Variants in UTRN observed in about 807,000 individuals in gnomAD.
The protein encoded by UTRN is utrophin.
A neutral mutation model predicts 463.9 loss-of-function variants in UTRN; 283 were observed. The ratio of observed to expected loss-of-function variants is 0.61; its 90% CI spans 0.55 to 0.67. The LOEUF (loss-of-function observed/expected upper bound fraction) is 0.67. Ranked by LOEUF, UTRN falls within the 30% of genes least tolerant of loss-of-function variation. The probability of loss-of-function intolerance (pLI) is 0.00; values close to 1 mark genes in which losing one functional copy is unlikely to be tolerated. For synonymous variants in UTRN, 1,442 were observed against 1,431.5 expected, an observed-to-expected ratio of 1.01 and a Z score of -0.17; for missense variants, 3,922 against 4,084.3, an observed-to-expected ratio of 0.96 and a Z score of 1.08.
Position 144,493,396 on chromosome 6 carries a change from A to T in UTRN, c.4533A>T (p.Pro1511=), listed in dbSNP as rs752180348. Residue 1511 remains proline (P), a synonymous_variant, in exon 33 of 75, where the codon CCA becomes CCT. Coordinates refer to ENST00000367545, the MANE Select transcript of UTRN (RefSeq NM_007124.3). The part of the protein sequence containing the change: ...HIVQKQQTDN[P]KGMDEQLTSL... Reference sequence around the variant, plus strand: ...TCCAGAAACAGCAAACGGACAACCCAAAAGGGATGGATGAGCAGCTGACTT... The same window carrying T: ...TCCAGAAACAGCAAACGGACAACCCTAAAGGGATGGATGAGCAGCTGACTT... 6.2e-6 allele frequency: 10 copies of T among 1,614,088 alleles called. No individual in the cohort carries two copies. In the South Asian group the frequency reaches 1.1e-4, roughly 18 times the overall value.
intron 51 of UTRN, among the ~76,000 whole-genome samples, chr6:144,605,300 C>T (rs571331056): frequency 1.3e-5 from 2 of 152,070 alleles, no homozygotes; most frequent in African/African-American, 4.8e-5. Context: ...AGCACATCTG[C>T]CAAAGGTTTG....
intron 2 of UTRN, among the ~76,000 whole-genome samples, chr6:144,344,488 C>T (rs529442045): frequency 2.6e-5 from 4 of 152,212 alleles, no homozygotes; most frequent in East Asian, 1.9e-4. Flanking sequence ...TAGAGACCAA[C>T]GCTGTCTGCT....
At chr6:144,589,124 C>A (rs926249705) in intron 51 of UTRN, among the ~76,000 whole-genome samples, 3 of 152,070 alleles carry the variant, frequency 2.0e-5, no homozygotes, top group Admixed American at 6.6e-5. Context: ...TAAAGTTAAG[C>A]AAGAATTTTG....
intron 23 of UTRN, among the ~76,000 whole-genome samples, chr6:144,468,626 G>T (rs1790192779): frequency 6.6e-6 from 1 of 151,960 alleles, no homozygotes; most frequent in African/African-American, 2.4e-5. Context: ...GCATGCGTGT[G>T]TTCTGTAAGC....
At chr6:144,611,054 A>G (rs1805464244) in intron 51 of UTRN, among the ~76,000 whole-genome samples, 1 of 152,244 alleles carries the variant, frequency 6.6e-6, no homozygotes, top group African/African-American at 2.4e-5. Context: ...ATGGCCCAAC[A>G]TATGCAAATC....
At chr6:144,521,955 A>ATTTTTT in intron 39 of UTRN, 25 bp from the exon 40 acceptor site, 4 of 942,214 alleles carry the variant, frequency 4.2e-6, no homozygotes, top group Non-Finnish European at 5.6e-6. Context: ...ATATATATAT[A>ATTTTTT]TTTTTTTTTT....
chr6:144,293,332 A>T (rs979846907), intron 2 of UTRN, among the ~76,000 whole-genome samples: 1 of 152,146 alleles, frequency 6.6e-6, no homozygotes, highest in South Asian at 2.1e-4. Flanking sequence ...TATAACTTGT[A>T]CTTTAGCCGT....
intron 46 of UTRN, among the ~76,000 whole-genome samples, chr6:144,544,727 C>T (rs1798253463): frequency 6.6e-6 from 1 of 151,952 alleles, no homozygotes; most frequent in African/African-American, 2.4e-5. Context: ...TTTCGTTTTC[C>T]CACCAGAGAA....
intron 64 of UTRN, among the ~76,000 whole-genome samples, chr6:144,802,627 T>C (rs1777794871): frequency 6.6e-6 from 1 of 152,198 alleles, no homozygotes; most frequent in African/African-American, 2.4e-5. Context: ...CTTTATTTAG[T>C]TTTTCCTTTG....
rs112036014 is a variant in UTRN, at chr6:144,668,497, T to C, written c.7480-9909T>C. ...CTGTCTTAGTCAGTTTGGGCTGTTA[T>C]AACAAAATGCCATAGACTGAGTAGC... is the stretch of plus-strand genomic sequence containing the variant. On this transcript the variant is annotated intron_variant, in intron 51 of 74. Coordinates refer to ENST00000367545, the MANE Select transcript of UTRN (RefSeq NM_007124.3). Among the ~76,000 whole-genome samples, 315 of 152,340 alleles carry C rather than the reference T, an allele frequency of 2.1e-3. 2 individuals carry two copies. Among genetic ancestry groups the C allele is most frequent in the Middle Eastern group, 6.8e-3 (2 of 294 alleles).
At chr6:144,809,709 C>T (rs1778444122) in intron 65 of UTRN, among the ~76,000 whole-genome samples, 1 of 151,970 alleles carries the variant, frequency 6.6e-6, no homozygotes, top group Non-Finnish European at 1.5e-5. Flanking sequence ...AGAAGGTCAT[C>T]ACTGCATTTC....
chr6:144,514,169 TGGGA>T, intron 36 of UTRN, 132 bp downstream of exon 36: 1 of 1,273,286 alleles, frequency 7.9e-7, no homozygotes, highest in Non-Finnish European at 1.1e-6. Context: ...TTTATTTTGA[TGGGA>T]GAAACTGAGA....
chr6:144,302,645 C>T (rs1241207931), intron 2 of UTRN, among the ~76,000 whole-genome samples: 3 of 152,224 alleles, frequency 2.0e-5, no homozygotes, highest in South Asian at 4.1e-4. Context: ...AGACCCACCT[C>T]TGTTCTTAAG....
chr6:144,462,978 T>G, intron 23 of UTRN, 112 bp downstream of exon 23: 1 of 912,446 alleles, frequency 1.1e-6, no homozygotes, highest in Non-Finnish European at 1.6e-6. Flanking sequence ...TAGATCCCCA[T>G]TTATTATGTA....
At chr6:144,633,168 C>T (rs950362859) in intron 51 of UTRN, among the ~76,000 whole-genome samples, 4 of 151,612 alleles carry the variant, frequency 2.6e-5, no homozygotes, top group Admixed American at 6.6e-5. Context: ...TTACCTATTC[C>T]GTCAGATAGT....
chr6:144,796,129 A>G (rs560396422), intron 63 of UTRN, among the ~76,000 whole-genome samples: 1 of 152,286 alleles, frequency 6.6e-6, no homozygotes, highest in South Asian at 2.1e-4. Flanking sequence ...TTTTCTGCAT[A>G]TGGCTAGCCA....
chr6:144,389,172 G>A (rs1447056750), intron 2 of UTRN, among the ~76,000 whole-genome samples: 1 of 152,152 alleles, frequency 6.6e-6, no homozygotes. Context: ...CTCGAAGTGG[G>A]GACGGGGCTT....
At chr6:144,299,197 G>A (rs976996373) in intron 2 of UTRN, among the ~76,000 whole-genome samples, 2 of 152,160 alleles carry the variant, frequency 1.3e-5, no homozygotes, top group East Asian at 3.8e-4. Flanking sequence ...ACCCTTCTGG[G>A]TCCAGACTCA....
At chr6:144,620,292 C>T (rs2128647025) in intron 51 of UTRN, among the ~76,000 whole-genome samples, 1 of 152,212 alleles carries the variant, frequency 6.6e-6, no homozygotes, top group Non-Finnish European at 1.5e-5. Context: ...TGTTTTTGCT[C>T]CAGAGCGGGT....
Sources: allele counts gnomAD v4.1 joint callset (sites outside exome capture counted in the v4.1 genomes callset), GRCh38; gene constraint gnomAD v4.1.1; transcripts MANE v1.5; gene names NCBI Gene and HGNC (gene_info 2026-07-23, HGNC 2026-07-21).